The following MYO16 variants were observed in gnomAD, a reference collection of about 807,000 sequenced individuals.
MYO16 encodes the protein unconventional myosin-XVI.
In MYO16, 94 loss-of-function variants were observed where a neutral mutation model predicts 205.3. The ratio of observed to expected loss-of-function variants is 0.46; its 90% confidence interval spans 0.39 to 0.54. MYO16 has a LOEUF of 0.54. Ranked by LOEUF, MYO16 falls within the 20% of genes least tolerant of loss-of-function variation. MYO16 has a pLI of 0.00. For synonymous variants in MYO16, 988 were observed against 954.0 expected (o/e 1.04, Z -0.66); for missense variants, 2,315 against 2,387.5 (o/e 0.97, Z 0.63).
chr13:108,759,360 C>G (rs1174174995), intron 4 of MYO16, among the ~76,000 whole-genome samples: 1 of 152,064 alleles, frequency 6.6e-6, no homozygotes, highest in Non-Finnish European at 1.5e-5. Context: ...AATACTATTC[C>G]TGTACTTTTG....
chr13:109,187,390 A>C (rs1435034769), intron 34 of MYO16, among the ~76,000 whole-genome samples: 1 of 149,976 alleles, frequency 6.7e-6, no homozygotes, highest in Non-Finnish European at 1.5e-5. Context: ...GTTGTTTTTT[A>C]TTTTCTTTTC....
At chr13:108,598,513 C>T (rs1878643128) in intron 1 of MYO16, among the ~76,000 whole-genome samples, 1 of 152,116 alleles carries the variant, frequency 6.6e-6, no homozygotes, top group African/African-American at 2.4e-5. Flanking sequence ...GGTTGTTATT[C>T]AAGTGATAGG....
chr13:108,786,070 A>T (rs1212159984), intron 5 of MYO16, among the ~76,000 whole-genome samples: 1 of 152,236 alleles, frequency 6.6e-6, no homozygotes, highest in East Asian at 1.9e-4. Flanking sequence ...AAGTCAACCA[A>T]CACAATTGAA....
intron 5 of MYO16, among the ~76,000 whole-genome samples, chr13:108,790,111 G>A (rs1036649630): frequency 6.6e-6 from 1 of 152,166 alleles, no homozygotes; most frequent in Non-Finnish European, 1.5e-5. Context: ...GAGAGGTGGC[G>A]CAGATCCTCC....
chr13:108,951,766 C>G (rs1883159696), intron 16 of MYO16, among the ~76,000 whole-genome samples: 1 of 152,100 alleles, frequency 6.6e-6, no homozygotes, highest in African/African-American at 2.4e-5. Flanking sequence ...GTTGCCAACT[C>G]AACCCAGCAC....
chr13:109,194,933 C>A lies in MYO16; in HGVS notation c.5416-11676C>A, dbSNP rs115827005. On this transcript the variant is annotated intron_variant, in intron 34 of 34. Transcript: ENST00000457511. ...GATTTGTAGTAAAATTTTTAAGTTT[C>A]TATTTTATAACTTTCAGTTATAAAT... Among the ~76,000 whole-genome samples, 1,350 of 151,938 alleles carry A rather than the reference C, an allele frequency of 8.9e-3. 20 individuals carry two copies. The highest frequency in any genetic ancestry group is 0.031 in the African/African-American group (1,296 of 41,430).
intron 2 of MYO16, among the ~76,000 whole-genome samples, chr13:108,696,298 C>A (rs1297983223): frequency 6.6e-6 from 1 of 152,094 alleles, no homozygotes; most frequent in Non-Finnish European, 1.5e-5. Context: ...TTAATAGCAG[C>A]TTTATTTAGA....
chr13:108,740,821 G>A (rs1884880676), intron 4 of MYO16, among the ~76,000 whole-genome samples: 1 of 151,708 alleles, frequency 6.6e-6, no homozygotes, highest in Non-Finnish European at 1.5e-5. Flanking sequence ...ACCTACTCAA[G>A]CCTCAGCAAT....
chr13:108,693,589 C>T (rs983810331), intron 2 of MYO16, among the ~76,000 whole-genome samples: 1 of 152,118 alleles, frequency 6.6e-6, no homozygotes, highest in Non-Finnish European at 1.5e-5. Context: ...AATAACATTC[C>T]ATTGCATAGA....
chr13:108,832,247 A>G (rs1371046874), intron 9 of MYO16, among the ~76,000 whole-genome samples: 2 of 150,764 alleles, frequency 1.3e-5, no homozygotes. Context: ...GGCTCAAGAG[A>G]TTCTCCTGCC....
chr13:108,749,313 C>T (rs1885156931), intron 4 of MYO16, among the ~76,000 whole-genome samples: 1 of 152,104 alleles, frequency 6.6e-6, no homozygotes, highest in South Asian at 2.1e-4. Context: ...ATCTCAATTC[C>T]CCCAACTCTC....
At chr13:108,635,181 C>A (rs1007628216) in intron 1 of MYO16, among the ~76,000 whole-genome samples, 3 of 152,186 alleles carry the variant, frequency 2.0e-5, no homozygotes, top group African/African-American at 7.2e-5. Flanking sequence ...AGATTTCTTT[C>A]AGTGAGGAGT....
At chr13:108,957,060 T>C (rs1883378951) in intron 16 of MYO16, among the ~76,000 whole-genome samples, 1 of 151,746 alleles carries the variant, frequency 6.6e-6, no homozygotes, top group Admixed American at 6.5e-5. Context: ...TTACAAACCA[T>C]ATGATAGAAC....
rs556561569 is a variant in MYO16 at position 109,013,064 on chromosome 13, A to G, written c.2595+4015A>G. Among the ~76,000 whole-genome samples the G allele has an allele frequency of 2.7e-5, 4 of 147,118 alleles. No homozygotes were observed. The East Asian group carries it at 8.3e-4, about 31-fold the overall frequency. Reference sequence around the variant, plus strand: ...TGTGCCGTGTTGGTTTGCTGCACCCATTAACTCATCATTTACATTAGGTAT... The same window carrying G: ...TGTGCCGTGTTGGTTTGCTGCACCCGTTAACTCATCATTTACATTAGGTAT... On this transcript the variant is annotated intron_variant, in intron 22 of 34. Coordinates refer to ENST00000457511, the MANE Select transcript of MYO16 (RefSeq NM_001198950.3).
chr13:109,097,382 TGG>T (rs1260448550), intron 27 of MYO16, among the ~76,000 whole-genome samples: 1 of 152,174 alleles, frequency 6.6e-6, no homozygotes, highest in African/African-American at 2.4e-5. Flanking sequence ...CATAACCTTC[TGG>T]GTGGTCCACA....
chr13:108,548,972 A>G, the MYO16 span, among the ~76,000 whole-genome samples: 2 of 152,158 alleles, frequency 1.3e-5, no homozygotes, highest in African/African-American at 4.8e-5. Context: ...AGATCTATCT[A>G]TAGATATACA....
intron 28 of MYO16, among the ~76,000 whole-genome samples, chr13:109,117,412 GTATATATGTATATGTGTATATATATGTA>G (rs201039910): frequency 0.015 from 2,133 of 144,022 alleles, 27 homozygotes; most frequent in South Asian, 0.034. Context: ...ATATATATGT[GTATATATGTATATGTGTATATATATGTA>G]TATATATGTA....
At chr13:109,135,336 G>A (rs1294581614) in intron 31 of MYO16, among the ~76,000 whole-genome samples, 1 of 152,232 alleles carries the variant, frequency 6.6e-6, no homozygotes, top group African/African-American at 2.4e-5. Context: ...ATTTAGTCCA[G>A]TTCCCAGGCT....
At chr13:108,777,079 T>C (rs1209712373) in intron 4 of MYO16, among the ~76,000 whole-genome samples, 7 of 152,110 alleles carry the variant, frequency 4.6e-5, no homozygotes, top group African/African-American at 1.7e-4. Flanking sequence ...CCTTTCCAAG[T>C]GGTGCTTATA....
Sources: allele counts gnomAD v4.1 joint callset (sites outside exome capture counted in the v4.1 genomes callset), GRCh38; gene constraint gnomAD v4.1.1; transcripts MANE v1.5; gene names NCBI Gene and HGNC (gene_info 2026-07-23, HGNC 2026-07-21).